Variants in GLRA1 observed in about 807,000 individuals in gnomAD.
GLRA1 encodes the protein glycine receptor subunit alpha-1.
Under a neutral mutation model 48.3 loss-of-function variants are expected in GLRA1, and 37 were observed. The observed-to-expected ratio is 0.77, with a 90% CI of 0.59 to 1.01. GLRA1 has a LOEUF of 1.01. Among genes scored for constraint, GLRA1 ranks in the 50% least tolerant of loss-of-function variants. GLRA1 has a pLI of 0.00. For missense variants in GLRA1, 427 were observed against 571.0 expected (o/e 0.75, Z 2.57); for synonymous variants, 196 against 210.7 (o/e 0.93, Z 0.60).
chr5:151,875,968 T>C lies in GLRA1; in HGVS notation c.252+10753A>G, dbSNP rs150504210. On this transcript the variant is annotated intron_variant, in intron 3 of 8. Coordinates refer to ENST00000274576, the MANE Select transcript of GLRA1 (RefSeq NM_000171.4). ...TTTCCTTATCTATAAAATGGGATTG[T>C]TGTACATGAAATAATTCCCATAATT... Among the ~76,000 whole-genome samples, 210 of 152,354 alleles carry C rather than the reference T, an allele frequency of 1.4e-3. 2 individuals are homozygous for C. The East Asian group carries it at 0.015, about 11-fold the overall frequency.
At chr5:151,919,409 T>C (rs1013488509) in intron 1 of GLRA1, among the ~76,000 whole-genome samples, 8 of 152,250 alleles carry the variant, frequency 5.3e-5, no homozygotes, top group African/African-American at 1.7e-4. Flanking sequence ...CATCATGTTT[T>C]CTCATCATAA....
At chr5:151,850,539 A>T (rs1752872685) in intron 7 of GLRA1, 1 of 1,107,084 alleles carries the variant, frequency 9.0e-7, no homozygotes. Context: ...CACGCTTATG[A>T]TCCCAAGGGA....
rs757488419 is a variant in GLRA1, at chr5:151,851,407, G to A, written c.895C>T (p.Arg299Ter). ...LTMTTQSSGS[R>*]ASLPKVSYVK... ...GGACTTACCTTGGGCAGAGATGCTC[G>A]AGAGCCGGAGCTCTGGGTGGTCATG... is the stretch of plus-strand genomic sequence containing the variant. The change falls in exon 7 of 9, where the codon CGA becomes TGA. Residue 299 changes from arginine (R) to a stop codon, truncating the protein, a stop_gained. Transcript: ENST00000274576. LOFTEE classifies it high-confidence loss of function. The A allele has an allele frequency of 3.1e-6, 5 of 1,612,868 alleles. No individual in the cohort carries two copies. The highest frequency in any genetic ancestry group is 2.2e-5 in the East Asian group (1 of 44,872).
intron 2 of GLRA1, among the ~76,000 whole-genome samples, chr5:151,891,921 A>T (rs1385469373): frequency 2.0e-5 from 3 of 152,172 alleles, no homozygotes; most frequent in Non-Finnish European, 4.4e-5. Flanking sequence ...CAAGCCCATT[A>T]CTATACAGAT....
chr5:151,854,951 A>G (rs968246649), intron 6 of GLRA1, 89 bp downstream of exon 6: 4 of 1,368,572 alleles, frequency 2.9e-6, no homozygotes, highest in African/African-American at 1.4e-5. Context: ...TCTTCATAAG[A>G]TCTGTTGGAT....
chr5:151,827,029 G>T (rs371339484), intron 8 of GLRA1, among the ~76,000 whole-genome samples: 58 of 126,738 alleles, frequency 4.6e-4, no homozygotes, highest in South Asian at 1.0e-3. Flanking sequence ...CTTTCTTTCT[G>T]TTTTTTTTTT....
intron 3 of GLRA1, among the ~76,000 whole-genome samples, chr5:151,860,310 T>C (rs1279871239): frequency 6.6e-6 from 1 of 152,246 alleles, no homozygotes; most frequent in Non-Finnish European, 1.5e-5. Flanking sequence ...ATGGATGTAA[T>C]GAACACTTGT....
intron 2 of GLRA1, among the ~76,000 whole-genome samples, chr5:151,889,709 A>G (rs62395861): frequency 0.2 from 29,811 of 151,926 alleles, 3,647 homozygotes; most frequent in East Asian, 0.32. Context: ...CTGATCCTCA[A>G]TGGCCTTTTC....
chr5:151,880,117 A>G (rs1232307103), intron 3 of GLRA1, among the ~76,000 whole-genome samples: 2 of 152,212 alleles, frequency 1.3e-5, no homozygotes, highest in Non-Finnish European at 2.9e-5. Context: ...CTGTAAGTCC[A>G]TTTAAACCTT....
intron 3 of GLRA1, among the ~76,000 whole-genome samples, chr5:151,866,107 T>C (rs955024718): frequency 2.2e-4 from 34 of 152,148 alleles, no homozygotes; most frequent in African/African-American, 8.2e-4. Context: ...GGCTTCTAGG[T>C]CTCAAACTCT....
chr5:151,833,566 C>T (rs1035248594), intron 7 of GLRA1, among the ~76,000 whole-genome samples: 9 of 152,156 alleles, frequency 5.9e-5, no homozygotes, highest in South Asian at 2.1e-4. Flanking sequence ...TGGGTTCAAG[C>T]GATTCTCCTG....
Position 151,857,585 on chromosome 5 carries a change from C to T in GLRA1, c.477-1202G>A, listed in dbSNP as rs143218675. Among the ~76,000 whole-genome samples the T allele has an allele frequency of 2.4e-3, 372 of 152,312 alleles. 1 individual carries two copies. Among genetic ancestry groups the T allele is most frequent in the African/African-American group, 8.2e-3 (341 of 41,562 alleles). ...AAGGTTATTTCAAAGAGGCCCTCTG[C>T]CTTCTGGGTGTCCAGACACAGTTGA... On this transcript the variant is annotated intron_variant, in intron 4 of 8. Coordinates refer to ENST00000274576, the MANE Select transcript of GLRA1 (RefSeq NM_000171.4).
At chr5:151,905,198 G>A (rs531045221) in intron 1 of GLRA1, among the ~76,000 whole-genome samples, 1 of 152,076 alleles carries the variant, frequency 6.6e-6, no homozygotes, top group African/African-American at 2.4e-5. Context: ...AGCAAAAAAT[G>A]CACATTGGGA....
At chr5:151,862,160 G>C (rs1285037350) in intron 3 of GLRA1, among the ~76,000 whole-genome samples, 4 of 152,108 alleles carry the variant, frequency 2.6e-5, no homozygotes, top group Non-Finnish European at 5.9e-5. Flanking sequence ...TGACAAACCT[G>C]AGAAAAACAA....
chr5:151,890,121 C>T (rs540744496), intron 2 of GLRA1, among the ~76,000 whole-genome samples: 1 of 152,184 alleles, frequency 6.6e-6, no homozygotes, highest in South Asian at 2.1e-4. Flanking sequence ...ATAAATAAAT[C>T]ACTATTATTA....
intron 2 of GLRA1, 74 bp downstream of exon 2, chr5:151,892,237 G>A (rs1754095515): frequency 4.5e-6 from 6 of 1,334,702 alleles, no homozygotes; most frequent in Non-Finnish European, 6.5e-6. Flanking sequence ...CCATCTGCGT[G>A]CATTACCATG....
chr5:151,840,937 G>A (rs1195405902), intron 7 of GLRA1, among the ~76,000 whole-genome samples: 1 of 152,026 alleles, frequency 6.6e-6, no homozygotes, highest in African/African-American at 2.4e-5. Flanking sequence ...ATAATACTTG[G>A]TGTCTTCAAA....
chr5:151,909,006 G>A (rs1398688589), intron 1 of GLRA1, among the ~76,000 whole-genome samples: 1 of 152,120 alleles, frequency 6.6e-6, no homozygotes, highest in African/African-American at 2.4e-5. Context: ...TTTACAAACT[G>A]GAGATGATCA....
intron 1 of GLRA1, among the ~76,000 whole-genome samples, chr5:151,898,471 A>G (rs1037928564): frequency 1.3e-5 from 2 of 152,196 alleles, no homozygotes; most frequent in Non-Finnish European, 2.9e-5. Flanking sequence ...GGGTTGCAGT[A>G]AGACTGGGGA....
Sources: allele counts gnomAD v4.1 joint callset (sites outside exome capture counted in the v4.1 genomes callset), GRCh38; gene constraint gnomAD v4.1.1; transcripts MANE v1.5; gene names NCBI Gene and HGNC (gene_info 2026-07-23, HGNC 2026-07-21).